The following CNBD1 variants were observed in gnomAD, a reference collection of about 807,000 sequenced individuals.
The protein encoded by CNBD1 is cyclic nucleotide-binding domain-containing protein 1.
CNBD1 carries 71 observed loss-of-function variants against 54.4 expected under a neutral mutation model. That is an observed-to-expected ratio of 1.30 (90% CI 1.08 to 1.59). CNBD1 has a LOEUF of 1.59. Among genes scored for constraint, CNBD1 ranks in the 40% most tolerant of loss-of-function variants. CNBD1 has a pLI of 0.00. For synonymous variants in CNBD1, 182 were observed against 170.7 expected, an observed-to-expected ratio of 1.07 and a Z score of -0.51; for missense variants, 659 against 518.0, an observed-to-expected ratio of 1.27 and a Z score of -2.64.
chr8:87,359,112 A>G (rs1490976435), intron 10 of CNBD1, among the ~76,000 whole-genome samples: 1 of 152,184 alleles, frequency 6.6e-6, no homozygotes, highest in Non-Finnish European at 1.5e-5. Flanking sequence ...AGTGTCACAT[A>G]CAAAAGTGTT....
At chr8:86,987,596 G>A (rs1467267034) in intron 4 of CNBD1, among the ~76,000 whole-genome samples, 1 of 152,060 alleles carries the variant, frequency 6.6e-6, no homozygotes, top group Non-Finnish European at 1.5e-5. Flanking sequence ...CAAGAGAAAT[G>A]GTTTCAGTTT....
intron 4 of CNBD1, among the ~76,000 whole-genome samples, chr8:87,103,636 A>T (rs1220918943): frequency 6.6e-6 from 1 of 152,214 alleles, no homozygotes; most frequent in Non-Finnish European, 1.5e-5. Flanking sequence ...AAACCAGCAG[A>T]TCTTGTGAGA....
At chr8:87,304,651 A>T (rs1017766759) in intron 8 of CNBD1, among the ~76,000 whole-genome samples, 7 of 152,088 alleles carry the variant, frequency 4.6e-5, no homozygotes, top group African/African-American at 1.7e-4. Flanking sequence ...ATAAATAAAT[A>T]AATAAAAATC....
chr8:86,988,743 T>C (rs1808669287), intron 4 of CNBD1, among the ~76,000 whole-genome samples: 1 of 152,164 alleles, frequency 6.6e-6, no homozygotes, highest in Non-Finnish European at 1.5e-5. Flanking sequence ...GTCTTAATTT[T>C]TAGCTTCCAC....
intron 2 of CNBD1, among the ~76,000 whole-genome samples, chr8:87,423,466 T>C (rs1474066745): frequency 7.9e-5 from 12 of 151,860 alleles, no homozygotes; most frequent in African/African-American, 2.2e-4. Flanking sequence ...ACCTACTTTA[T>C]TGAGAGTTTT....
At chr8:87,406,636 C>T (rs184747725) in intron 2 of CNBD1, among the ~76,000 whole-genome samples, 40 of 152,070 alleles carry the variant, frequency 2.6e-4, no homozygotes, top group Admixed American at 5.9e-4. Flanking sequence ...TGTGCCACCA[C>T]GCCCATCTAA....
intron 4 of CNBD1, among the ~76,000 whole-genome samples, chr8:87,095,680 C>T (rs932165032): frequency 5.9e-5 from 9 of 151,882 alleles, no homozygotes; most frequent in East Asian, 1.9e-4. Context: ...TTTTTTGAGA[C>T]GGAGTCTCGC....
chr8:87,083,919 G>A (rs1192307070), intron 4 of CNBD1, among the ~76,000 whole-genome samples: 1 of 151,994 alleles, frequency 6.6e-6, no homozygotes, highest in Non-Finnish European at 1.5e-5. Context: ...GTATTTGATT[G>A]GTGTCTCATG....
intron 4 of CNBD1, among the ~76,000 whole-genome samples, chr8:87,193,157 C>T (rs1813647473): frequency 6.6e-6 from 1 of 152,072 alleles, no homozygotes; most frequent in African/African-American, 2.4e-5. Flanking sequence ...TAAGCTTCCC[C>T]AAATTCTCAG....
At chr8:87,255,478 A>T (rs1428986014) in intron 6 of CNBD1, among the ~76,000 whole-genome samples, 1 of 152,130 alleles carries the variant, frequency 6.6e-6, no homozygotes, top group Non-Finnish European at 1.5e-5. Flanking sequence ...TAACAATATA[A>T]CAATTTAACA....
Position 87,222,861 on chromosome 8 carries a change from C to G in CNBD1, c.578-14058C>G, listed in dbSNP as rs1814372103. On this transcript the variant is annotated intron_variant, in intron 5 of 10. Coordinates refer to ENST00000518476, the MANE Select transcript of CNBD1 (RefSeq NM_173538.3). Reference sequence around the variant, plus strand: ...TAAGAGCTATTTTCAAATATGGGGTCCTGCATTAGGGGTTTCACAAGTCCT... The same window carrying G: ...TAAGAGCTATTTTCAAATATGGGGTGCTGCATTAGGGGTTTCACAAGTCCT... Among the ~76,000 whole-genome samples, 3 of 151,986 alleles carry G rather than the reference C, an allele frequency of 2.0e-5. No individual in the cohort carries two copies. The South Asian group carries it at 6.2e-4, about 32-fold the overall frequency.
chr8:87,368,957 A>G (rs911431489), intron 10 of CNBD1, among the ~76,000 whole-genome samples: 8 of 152,016 alleles, frequency 5.3e-5, no homozygotes, highest in South Asian at 2.1e-4. Context: ...CTTGCTTAAT[A>G]TTACAGAGCT....
At chr8:87,343,975 C>G (rs768678359) in intron 8 of CNBD1, among the ~76,000 whole-genome samples, 5 of 151,978 alleles carry the variant, frequency 3.3e-5, no homozygotes, top group Non-Finnish European at 7.4e-5. Flanking sequence ...AAAGCTCTAA[C>G]AACTTTTTCA....
intron 4 of CNBD1, among the ~76,000 whole-genome samples, chr8:87,175,186 C>T (rs1051080375): frequency 2.6e-5 from 4 of 152,156 alleles, no homozygotes; most frequent in East Asian, 3.9e-4. Flanking sequence ...CTTTGTTGAG[C>T]CAAGGCCTTG....
In CNBD1 at chr8:87,330,995, A is replaced by C. The variant is rs570649744; in HGVS notation, c.1043-20690A>C. ...GTGCATTTATATCATTGATATTCAA[A>C]GTGATTATTGATATAGTTGCTCTAA... On this transcript the variant is annotated intron_variant, in intron 8 of 10. Transcript: ENST00000518476. Among the ~76,000 whole-genome samples, 3 of 152,258 alleles carry C rather than the reference A, an allele frequency of 2.0e-5. No homozygotes were observed. The East Asian group carries it at 5.8e-4, about 29-fold the overall frequency.
chr8:86,883,173 CTTAAAAG>C lies in CNBD1; in HGVS notation c.89-4362_89-4356del. ...TGCACAACCTGCATGTTCCCTGGAA[CTTAAAAG>C]TTAAAAAAAAAAAATAGATTGGTGA... On this transcript the variant is annotated intron_variant, in intron 1 of 10. Transcript: ENST00000518476. Among the ~76,000 whole-genome samples, 4 of 126,822 alleles carry C rather than the reference CTTAAAAG, an allele frequency of 3.2e-5. No individual in the cohort carries two copies. The Middle Eastern group carries it at 0.015, about 473-fold the overall frequency. The allele number at this position is 126,822 out of a possible 152,430, so 83.2% of individuals were successfully genotyped here.
chr8:86,950,177 C>A (rs1259054019), intron 4 of CNBD1, among the ~76,000 whole-genome samples: 1 of 149,462 alleles, frequency 6.7e-6, no homozygotes, highest in African/African-American at 2.5e-5. Context: ...TTCTCTGCCT[C>A]AGCTTCCAGA....
intron 8 of CNBD1, among the ~76,000 whole-genome samples, chr8:87,341,624 T>C (rs1810065443): frequency 6.6e-6 from 1 of 152,206 alleles, no homozygotes; most frequent in South Asian, 2.1e-4. Flanking sequence ...CTCCACCCTC[T>C]TTGATGGGAT....
chr8:87,086,038 G>A (rs1249543950), intron 4 of CNBD1, among the ~76,000 whole-genome samples: 1 of 152,072 alleles, frequency 6.6e-6, no homozygotes, highest in Non-Finnish European at 1.5e-5. Context: ...CCTTTTTCAG[G>A]TCTTTTAGTG....
Sources: gnomAD v4.1 joint callset for allele counts (sites outside exome capture counted in the v4.1 genomes callset) on GRCh38, gnomAD v4.1.1 for gene constraint, MANE v1.5 for transcripts, NCBI Gene and HGNC (gene_info 2026-07-23, HGNC 2026-07-21) for gene names.